Variants in ADGRV1 observed in about 807,000 individuals in gnomAD.
ADGRV1 encodes G-protein coupled receptor 98.
In ADGRV1, 359 loss-of-function variants were observed where a neutral mutation model predicts 596.2. That is an observed-to-expected ratio of 0.60 (90% CI 0.55 to 0.66). ADGRV1 has a LOEUF of 0.66. Among genes scored for constraint, ADGRV1 ranks in the 30% least tolerant of loss-of-function variants. The probability of loss-of-function intolerance (pLI) is 0.00; values close to 1 mark genes in which losing one functional copy is unlikely to be tolerated. For synonymous variants in ADGRV1, 2,681 were observed against 2,679.2 expected, an observed-to-expected ratio of 1.00 and a Z score of -0.02; for missense variants, 7,274 against 7,575.6, an observed-to-expected ratio of 0.96 and a Z score of 1.48.
intron 43 of ADGRV1, among the ~76,000 whole-genome samples, chr5:90,718,772 A>G (rs1750502772): frequency 6.6e-6 from 1 of 151,542 alleles, no homozygotes; most frequent in Admixed American, 6.6e-5. Context: ...CATCTTTAAA[A>G]TTTTTCTCAA....
At chr5:90,567,607 G>A (rs573244930) in intron 1 of ADGRV1, among the ~76,000 whole-genome samples, 2 of 152,044 alleles carry the variant, frequency 1.3e-5, no homozygotes, top group East Asian at 1.9e-4. Context: ...ATTGTTCATG[G>A]TCATGCTTTA....
At chr5:91,015,201 T>A (rs1199426690) in intron 85 of ADGRV1, among the ~76,000 whole-genome samples, 2 of 152,122 alleles carry the variant, frequency 1.3e-5, no homozygotes, top group African/African-American at 4.8e-5. Flanking sequence ...TGAGCAATTG[T>A]CTTAGTCTTG....
chr5:90,873,280 A>G (rs150469148), intron 83 of ADGRV1, among the ~76,000 whole-genome samples: 2 of 151,994 alleles, frequency 1.3e-5, no homozygotes, highest in East Asian at 1.9e-4. Flanking sequence ...GGGAACATAC[A>G]CTCTGTGTTC....
At position 90,632,000 on chromosome 5, in the gene ADGRV1, A is replaced by T. The variant is rs539703445; in HGVS notation, c.1839+2461A>T. ...AGAGTAGCATTTCTGAAGTTTCAAG[A>T]CTGTGTGGGATTCAATTTTTTGAGT... On this transcript the variant is annotated intron_variant, in intron 9 of 89. Coordinates refer to ENST00000405460, the MANE Select transcript of ADGRV1 (RefSeq NM_032119.4). 3.9e-5 allele frequency among the ~76,000 whole-genome samples: 6 copies of T among 152,222 alleles called. No individual in the cohort carries two copies. In the East Asian group the frequency reaches 1.2e-3, roughly 29 times the overall value.
chr5:90,934,651 A>C (rs191440956), intron 83 of ADGRV1, among the ~76,000 whole-genome samples: 124 of 152,322 alleles, frequency 8.1e-4, no homozygotes, highest in Non-Finnish European at 1.4e-3. Flanking sequence ...CACAGGGACC[A>C]CTGCTTCTTC....
chr5:90,753,275 G>A (rs1221111805), intron 53 of ADGRV1, among the ~76,000 whole-genome samples: 3 of 152,070 alleles, frequency 2.0e-5, no homozygotes, highest in African/African-American at 7.2e-5. Flanking sequence ...CTAGAACTTA[G>A]ATTCCCAGAG....
chr5:90,909,148 G>A (rs1772604658), intron 83 of ADGRV1, among the ~76,000 whole-genome samples: 1 of 152,154 alleles, frequency 6.6e-6, no homozygotes, highest in Admixed American at 6.5e-5. Context: ...TTCTGGGAAA[G>A]CATCCAGTAG....
At chr5:90,671,239 C>T (rs1772423906) in intron 21 of ADGRV1, among the ~76,000 whole-genome samples, 1 of 152,236 alleles carries the variant, frequency 6.6e-6, no homozygotes, top group South Asian at 2.1e-4. Context: ...GAGACTGACC[C>T]CTGTCTCTGC....
intron 89 of ADGRV1, among the ~76,000 whole-genome samples, chr5:91,158,088 T>G (rs1371157508): frequency 6.6e-6 from 1 of 152,206 alleles, no homozygotes. Context: ...AAATCCTACA[T>G]TGCAAAGATT....
intron 83 of ADGRV1, among the ~76,000 whole-genome samples, chr5:90,911,156 T>G (rs1772852414): frequency 6.6e-6 from 1 of 152,138 alleles, no homozygotes; most frequent in African/African-American, 2.4e-5. Flanking sequence ...ATTCGATGGG[T>G]TTACCAAAGA....
At chr5:90,858,940 G>C (rs1029969376) in intron 82 of ADGRV1, among the ~76,000 whole-genome samples, 1 of 152,094 alleles carries the variant, frequency 6.6e-6, no homozygotes, top group Admixed American at 6.6e-5. Context: ...TTTCTAAAAA[G>C]CCACCCAAAA....
chr5:90,653,742 A>G lies in ADGRV1; in HGVS notation c.4168A>G (p.Asn1390Asp), dbSNP rs794727329. The G allele has an allele frequency of 1.3e-5, 21 of 1,612,862 alleles. No individual in the cohort carries two copies. The Admixed American group carries it at 1.5e-4, about 12-fold the overall frequency. ...CTACTACGGGGTAAAAATACAAACA[A>G]ACGAATCCCATGTGACACTTTCCCT... The part of the protein sequence containing the change: ...SIYYGVKIQT[N>D]ESHVTLSLHY... The change falls in exon 20 of 90, where the codon AAC becomes GAC. Residue 1390 changes from asparagine to aspartate, a missense_variant. Coordinates refer to ENST00000405460, the MANE Select transcript of ADGRV1 (RefSeq NM_032119.4).
At chr5:91,102,721 A>T (rs571059740) in intron 87 of ADGRV1, among the ~76,000 whole-genome samples, 62 of 152,306 alleles carry the variant, frequency 4.1e-4, no homozygotes, top group African/African-American at 1.4e-3. Flanking sequence ...TTGAGGAGTG[A>T]AATAGTGATG....
In ADGRV1 at chr5:90,621,959, A is replaced by G. The variant is rs1045246219; in HGVS notation, c.454-638A>G. Among the ~76,000 whole-genome samples, 6 of 152,188 alleles carry G rather than the reference A, an allele frequency of 3.9e-5. No homozygotes were observed. The East Asian group carries it at 7.7e-4, about 20-fold the overall frequency. ...CTTCAAGACGGACATTGCTAACCCC[A>G]GTTATGTATGGGGCTACTGAGTTTT... On this transcript the variant is annotated intron_variant, in intron 4 of 89. Coordinates refer to ENST00000405460, the MANE Select transcript of ADGRV1 (RefSeq NM_032119.4).
At chr5:90,825,889 C>G (rs1176463419) in intron 76 of ADGRV1, 2 of 152,170 alleles carry the variant, frequency 1.3e-5, no homozygotes, top group African/African-American at 4.8e-5. Flanking sequence ...TCTTCTTTCT[C>G]TTTCACATAT....
intron 83 of ADGRV1, among the ~76,000 whole-genome samples, chr5:90,898,853 G>A (rs142306979): frequency 0.012 from 1,810 of 152,166 alleles, 8 homozygotes; most frequent in Non-Finnish European, 0.019. Context: ...GGCTGAAGCC[G>A]GAGGATCTCG....
intron 53 of ADGRV1, 31 bp from the exon 54 acceptor site, chr5:90,753,543 T>C: frequency 6.6e-7 from 1 of 1,524,262 alleles, no homozygotes; most frequent in Non-Finnish European, 9.0e-7. Flanking sequence ...AATTACAAAA[T>C]AAATAACATC....
chr5:90,674,954 T>C (rs892373761), intron 23 of ADGRV1, among the ~76,000 whole-genome samples: 2 of 152,150 alleles, frequency 1.3e-5, no homozygotes, highest in African/African-American at 2.4e-5. Flanking sequence ...AAAATATGTA[T>C]TTTAAAACTG....
At chr5:90,914,421 T>C (rs866661020) in intron 83 of ADGRV1, among the ~76,000 whole-genome samples, 4 of 152,324 alleles carry the variant, frequency 2.6e-5, no homozygotes, top group African/African-American at 7.2e-5. Context: ...TTCTTGTCCC[T>C]ATTTTTAAAA....
Sources: gnomAD v4.1 joint callset for allele counts (sites outside exome capture counted in the v4.1 genomes callset) on GRCh38, gnomAD v4.1.1 for gene constraint, MANE v1.5 for transcripts, NCBI Gene and HGNC (gene_info 2026-07-23, HGNC 2026-07-21) for gene names.